Variants in ZFYVE26 observed in about 807,000 individuals in gnomAD.
ZFYVE26 encodes zinc finger FYVE-type containing 26.
A neutral mutation model predicts 276.5 loss-of-function variants in ZFYVE26; 181 were observed. The observed-to-expected ratio is 0.65, with a 90% confidence interval of 0.58 to 0.74. The LOEUF is 0.74. ZFYVE26 is among the 30% of genes least tolerant of loss of function. The pLI is 0.00. For missense variants in ZFYVE26, 2,821 were observed against 3,097.9 expected (o/e 0.91, Z 2.12); for synonymous variants, 1,129 against 1,203.1 (o/e 0.94, Z 1.27).
At position 67,777,492 on chromosome 14, in the gene ZFYVE26, A is replaced by G. The variant is rs925677810; in HGVS notation, c.4974+67T>C. 1.9e-6 allele frequency: 3 copies of G among 1,611,358 alleles called. No individual in the cohort carries two copies. In the African/African-American group the frequency reaches 4.0e-5, roughly 22 times the overall value. On this transcript the variant is annotated intron_variant, in intron 25 of 41. Coordinates refer to ENST00000347230, the MANE Select transcript of ZFYVE26 (RefSeq NM_015346.4). ...GTCTCTCCCTCAGGTATGCCTTCCC[A>G]ACACCTCCTTTTCCTCCTTACCTTG... is the stretch of plus-strand genomic sequence containing the variant.
chr14:67,733,570 T>G (rs1316538561), intron 13 of ZFYVE26, among the ~76,000 whole-genome samples: 1 of 152,278 alleles, frequency 6.6e-6, no homozygotes, highest in Non-Finnish European at 1.5e-5. Context: ...TGTGTATTAC[T>G]ATATCACAAA....
chr14:67,786,142 C>T lies in ZFYVE26; in HGVS notation c.3111G>A (p.Leu1037=), dbSNP rs751922148. Residue 1037 remains leucine (L), a synonymous_variant, in exon 17 of 42, where the codon CTG becomes CTA. Coordinates refer to ENST00000347230, the MANE Select transcript of ZFYVE26 (RefSeq NM_015346.4). ...LQQISKSLNY[L]LMSASQTKSE... ...ATTTGGTTTGACTGGCTGACATAAG[C>T]AGATAATTGAGACTCTTACTGATTT... 1 of 1,613,230 alleles carries T rather than the reference C, an allele frequency of 6.2e-7. No individual in the cohort carries two copies. The highest frequency in any genetic ancestry group is 2.2e-5 in the East Asian group (1 of 44,836).
rs751589863 is a variant in ZFYVE26, at chr14:67,729,247, C to A, written n.3252G>T. 3 of 1,609,924 alleles carry A rather than the reference C, an allele frequency of 1.9e-6. No homozygotes were observed. The highest frequency in any genetic ancestry group is 2.7e-5 in the African/African-American group (2 of 74,904). On this transcript the variant is annotated non_coding_transcript_exon_variant, in exon 14 of 15. Transcript: ENST00000394455. ...AGGCGTCGTCCGCTCTGAGCTGGTC[C>A]GGCACTCCTCCCTGCTCTGCCTGCT...
intron 18 of ZFYVE26, among the ~76,000 whole-genome samples, 196 bp downstream of exon 18, chr14:67,785,662 A>G (rs1449307666): frequency 1.3e-5 from 2 of 152,176 alleles, no homozygotes; most frequent in African/African-American, 4.8e-5. Flanking sequence ...TGGAGTGTTC[A>G]CCATTCTTTC....
In ZFYVE26 at chr14:67,758,750, C is replaced by T. The variant is rs2038852721; in HGVS notation, c.6589-2605G>A. On this transcript the variant is annotated intron_variant, in intron 35 of 41. Coordinates refer to ENST00000347230, the MANE Select transcript of ZFYVE26 (RefSeq NM_015346.4). Reference sequence around the variant, plus strand: ...ACGCAGGTTCAAGCAATTCTCCTGCCTCAGCCTCCCGAGTAGCTGGGATTA... The same window carrying T: ...ACGCAGGTTCAAGCAATTCTCCTGCTTCAGCCTCCCGAGTAGCTGGGATTA... 2.0e-5 allele frequency among the ~76,000 whole-genome samples: 3 copies of T among 152,262 alleles called. No individual in the cohort carries two copies. In the South Asian group the frequency reaches 6.2e-4, roughly 32 times the overall value.
At chr14:67,813,607 G>A (rs2040344185) in intron 3 of ZFYVE26, among the ~76,000 whole-genome samples, 1 of 151,982 alleles carries the variant, frequency 6.6e-6, no homozygotes, top group Non-Finnish European at 1.5e-5. Context: ...AATTAGGCTA[G>A]TTAAAATATG....
intron 10 of ZFYVE26, among the ~76,000 whole-genome samples, chr14:67,800,386 T>C (rs1566894200): frequency 6.6e-6 from 1 of 152,226 alleles, no homozygotes; most frequent in Non-Finnish European, 1.5e-5. Flanking sequence ...TGAGCTTGTC[T>C]GAATCTGTTT....
Position 67,776,104 on chromosome 14 carries a change from A to G in ZFYVE26, c.4977T>C (p.Ile1659=). The change falls in exon 26 of 42, where the codon ATT becomes ATC. Residue 1659 remains isoleucine (I), a splice_region_variant and synonymous_variant. Coordinates refer to ENST00000347230, the MANE Select transcript of ZFYVE26 (RefSeq NM_015346.4). Reference sequence around the variant, plus strand: ...GGTGCTGCTCAGGCAGGGTCAGCAGAATCTGTTTGTGGGGTAGATCCATAG... The same window carrying G: ...GGTGCTGCTCAGGCAGGGTCAGCAGGATCTGTTTGTGGGGTAGATCCATAG... ...EIQALYVGSK[I]LLTLPEQHRA... The G allele has an allele frequency of 6.2e-7, 1 of 1,614,176 alleles. No homozygotes were observed.
Position 67,807,547 on chromosome 14 carries a change from G to A in ZFYVE26, c.737C>T (p.Ala246Val). Reference sequence around the variant, plus strand: ...CAGGGGACTCCCCTCGGTCCTGCAGGCCTCTAGTAGTTCCTCACACAGGAG... The same window carrying A: ...CAGGGGACTCCCCTCGGTCCTGCAGACCTCTAGTAGTTCCTCACACAGGAG... The part of the protein sequence containing the change: ...LHLLCEELLE[A>V]CRTEGSPLRE... The change falls in exon 5 of 42, where the codon GCC (alanine) becomes GTC (valine). Residue 246 changes from alanine (A) to valine (V), a missense_variant. Transcript: ENST00000347230. 1 of 1,614,204 alleles carries A rather than the reference G, an allele frequency of 6.2e-7. No individual in the cohort carries two copies. The highest frequency in any genetic ancestry group is 8.5e-7 in the Non-Finnish European group (1 of 1,180,036).
chr14:67,762,943 C>A (rs1251352816), intron 32 of ZFYVE26, 124 bp from the exon 33 acceptor site: 1 of 1,400,888 alleles, frequency 7.1e-7, no homozygotes, highest in African/African-American at 1.4e-5. Context: ...CGTTCTGTCA[C>A]CCAGGCTGGA....
rs17104689 is a variant in ZFYVE26 at position 67,805,264 on chromosome 14, C to A, written c.1224G>T (p.Gly408=). The change falls in exon 8 of 42, where the codon GGG becomes GGT. Residue 408 remains glycine (G), a synonymous_variant. Coordinates refer to ENST00000347230, the MANE Select transcript of ZFYVE26 (RefSeq NM_015346.4). ...CDELLRDACD[G]LWAHLEVLEW... is the part of the protein sequence containing the mutation. ...CCAGGACCTCCAGGTGAGCCCACAACCCATCACAGGCATCCCTGAGGAGCT... is the reference window on the plus strand; with the variant it reads ...CCAGGACCTCCAGGTGAGCCCACAAACCATCACAGGCATCCCTGAGGAGCT... The A allele has an allele frequency of 0.017, 27,406 of 1,614,060 alleles. 546 individuals are homozygous for A. Among genetic ancestry groups the A allele is most frequent in the African/African-American group, 0.086 (6,446 of 75,022 alleles).
chr14:67,815,637 A>G, intron 2 of ZFYVE26, 133 bp downstream of exon 2: 1 of 892,946 alleles, frequency 1.1e-6, no homozygotes, highest in Non-Finnish European at 1.9e-6. Context: ...AAAATTTCAG[A>G]GCACGTGAAA....
intron 12 of ZFYVE26, among the ~76,000 whole-genome samples, chr14:67,795,751 C>CAA (rs2140240150): frequency 6.6e-6 from 1 of 151,874 alleles, no homozygotes; most frequent in East Asian, 1.9e-4. Context: ...TAAGTGGAAT[C>CAA]AAAAGGCAAA....
chr14:67,754,116 T>C lies in ZFYVE26; in HGVS notation c.7083A>G (p.Pro2361=). The C allele has an allele frequency of 6.2e-7, 1 of 1,614,232 alleles. No individual in the cohort carries two copies. Among genetic ancestry groups the C allele is most frequent in the Non-Finnish European group, 8.5e-7 (1 of 1,180,044 alleles). Residue 2361 remains proline (P), a synonymous_variant, in exon 38 of 42, where the codon CCA becomes CCG. Coordinates refer to ENST00000347230, the MANE Select transcript of ZFYVE26 (RefSeq NM_015346.4). ...TCATGTGGTTATTTCCAAACAGGGTTGGCAGAGGCAAAGTGGTGATTTGAG... is the reference window on the plus strand; with the variant it reads ...TCATGTGGTTATTTCCAAACAGGGTCGGCAGAGGCAAAGTGGTGATTTGAG... ...GTSQITTLPL[P]TLFGNNHMKM... is the part of the protein sequence containing the mutation.
chr14:67,750,553 A>G (rs1320981540), intron 41 of ZFYVE26: 1 of 190,326 alleles, frequency 5.3e-6, no homozygotes, highest in East Asian at 1.3e-4. Context: ...CATTTTCCCA[A>G]ACAGGGACGA....
At position 67,755,930 on chromosome 14, in the gene ZFYVE26, G is replaced by A. The variant is rs1043151587; in HGVS notation, c.6786+18C>T. ...GCACCAGCAACAGAGGTAGAAGGCA[G>A]GAAGGGGCTGCCATTACCTTCATAA... On this transcript the variant is annotated intron_variant, in intron 36 of 41. Transcript: ENST00000347230. 3.7e-6 allele frequency: 6 copies of A among 1,614,160 alleles called. No homozygotes were observed. Among genetic ancestry groups the A allele is most frequent in the Non-Finnish European group, 5.1e-6 (6 of 1,180,000 alleles).
chr14:67,737,092 T>TC (rs1302884936), intron 13 of ZFYVE26, among the ~76,000 whole-genome samples: 1 of 147,836 alleles, frequency 6.8e-6, no homozygotes, highest in East Asian at 2.0e-4. Flanking sequence ...TCTTTTCTTT[T>TC]TTTTTTTTTT....
At chr14:67,730,508 G>A (rs1158556110) in intron 13 of ZFYVE26, among the ~76,000 whole-genome samples, 6 of 152,126 alleles carry the variant, frequency 3.9e-5, no homozygotes, top group African/African-American at 9.7e-5. Context: ...AGAGTATTTC[G>A]GGTTTTAGAT....
chr14:67,802,254 G>A lies in ZFYVE26; in HGVS notation c.1464C>T (p.His488=), dbSNP rs1418702654. Residue 488 remains histidine (H), a synonymous_variant, in exon 10 of 42, where the codon CAC becomes CAT. Coordinates refer to ENST00000347230, the MANE Select transcript of ZFYVE26 (RefSeq NM_015346.4). The part of the protein sequence containing the change: ...PDAVDAPVPE[H]LSQCQNLTLY... ...GTGTCAGGTTCTGACACTGGCTCAG[G>A]TGCTCAGGGACTGGAGCATCAACTG... 1 of 1,614,178 alleles carries A rather than the reference G, an allele frequency of 6.2e-7. No individual in the cohort carries two copies. Among genetic ancestry groups the A allele is most frequent in the South Asian group, 1.1e-5 (1 of 91,080 alleles).
Sources: allele counts gnomAD v4.1 joint callset (sites outside exome capture counted in the v4.1 genomes callset), GRCh38; gene constraint gnomAD v4.1.1; transcripts MANE v1.5; gene names NCBI Gene and HGNC (gene_info 2026-07-23, HGNC 2026-07-21).